The following OSBPL5 variants were observed in gnomAD, a reference collection of about 807,000 sequenced individuals.
The protein encoded by OSBPL5 is oxysterol-binding protein-related protein 5.
Under a neutral mutation model 111.2 loss-of-function variants are expected in OSBPL5, and 71 were observed. The observed-to-expected ratio is 0.64, with a 90% CI of 0.53 to 0.78. OSBPL5 has a LOEUF of 0.78. OSBPL5 is among the 30% of genes least tolerant of loss of function. The pLI is 0.00. For missense variants in OSBPL5, 1,210 were observed against 1,189.3 expected, an observed-to-expected ratio of 1.02 and a Z score of -0.26; for synonymous variants, 549 against 513.9, an observed-to-expected ratio of 1.07 and a Z score of -0.93.
At chr11:3,094,176 G>C in intron 15 of OSBPL5, 61 bp downstream of exon 15, 1 of 1,499,832 alleles carries the variant, frequency 6.7e-7, no homozygotes, top group Non-Finnish European at 9.2e-7. Context: ...AGTGTGAGGG[G>C]GATCCCCAAG....
rs972380354 is a variant in OSBPL5, at chr11:3,141,635, A to G, written c.-21-12466T>C. 1.3e-5 allele frequency among the ~76,000 whole-genome samples: 2 copies of G among 152,158 alleles called. No homozygotes were observed. The highest frequency in any genetic ancestry group is 4.8e-5 in the African/African-American group (2 of 41,424). On this transcript the variant is annotated intron_variant, in intron 1 of 21. Transcript: ENST00000263650. The surrounding 1 kb of genome is among the most constrained non-coding windows in gnomAD (Gnocchi z 6.5). ...GCTGACCTCCAAGGGGAACCCTTCT[A>G]TGAACGGAAAGCTCGCACCTCGCTC...
At chr11:3,117,578 T>C (rs547930928) in intron 7 of OSBPL5, among the ~76,000 whole-genome samples, 14 of 152,326 alleles carry the variant, frequency 9.2e-5, no homozygotes, top group Admixed American at 3.9e-4. Context: ...TTAGTTAAAA[T>C]GGGAAACTGG....
Position 3,101,646 on chromosome 11 carries a change from G to A in OSBPL5, c.1479C>T (p.Gly493=). ...CTGTGATGCTGCCACTGATGCAGAA[G>A]CCGTCCTTCCGGTTGCTGACGTGGA... ...SAFHVSNRKD[G]FCISGSITAK... Residue 493 remains glycine (G), a synonymous_variant, in exon 13 of 22, where the codon GGC becomes GGT. Transcript: ENST00000263650. The A allele has an allele frequency of 6.2e-7, 1 of 1,614,026 alleles. No homozygotes were observed.
intron 3 of OSBPL5, among the ~76,000 whole-genome samples, chr11:3,124,811 AATGGATGG>A (rs71035488): frequency 4.0e-5 from 6 of 150,666 alleles, no homozygotes; most frequent in South Asian, 2.1e-4. Flanking sequence ...TGAATGGATG[AATGGATGG>A]ATGGATGGAT....
rs1014533586 is a variant in OSBPL5, at chr11:3,126,248, A to T, written c.219+225T>A. Among the ~76,000 whole-genome samples the T allele has an allele frequency of 5.3e-5, 8 of 152,236 alleles. No individual in the cohort carries two copies. The highest frequency in any genetic ancestry group is 1.7e-4 in the African/African-American group (7 of 41,462). On this transcript the variant is annotated intron_variant, in intron 3 of 21. Transcript: ENST00000263650. This position sits in a 1 kb window ranked among gnomAD's most constrained non-coding sequence, Gnocchi z 6.5. ...CTGATAGTCAAATACACGTGCACAC[A>T]TGTTCACGGAAGCATTTTTCATGAC...
chr11:3,136,756 A>G (rs1845958864), intron 1 of OSBPL5, among the ~76,000 whole-genome samples: 1 of 152,178 alleles, frequency 6.6e-6, no homozygotes, highest in South Asian at 2.1e-4. Context: ...TTCCTCACCC[A>G]CAGCCCAGAG....
At position 3,141,573 on chromosome 11, in the gene OSBPL5, C is replaced by T. The variant is rs1359751808; in HGVS notation, c.-21-12404G>A. ...GGCATTAATGGGGTCCATTATGGCCCGAGTTGCGCAGAGAGGACAGGGAGG... is the reference window on the plus strand; with the variant it reads ...GGCATTAATGGGGTCCATTATGGCCTGAGTTGCGCAGAGAGGACAGGGAGG... On this transcript the variant is annotated intron_variant, in intron 1 of 21. Transcript: ENST00000263650. This position sits in a 1 kb window ranked among gnomAD's most constrained non-coding sequence, Gnocchi z 6.5. Among the ~76,000 whole-genome samples, 3 of 152,118 alleles carry T rather than the reference C, an allele frequency of 2.0e-5. No individual in the cohort carries two copies. The highest frequency in any genetic ancestry group is 6.5e-5 in the Admixed American group (1 of 15,276).
intron 1 of OSBPL5, among the ~76,000 whole-genome samples, chr11:3,139,774 G>A (rs989228049): frequency 1.9e-4 from 29 of 152,298 alleles, no homozygotes; most frequent in Non-Finnish European, 3.1e-4. Context: ...TGCTTCCCCC[G>A]GCCTCTCTTC....
intron 21 of OSBPL5, 104 bp from the exon 22 acceptor site, chr11:3,088,447 A>T: frequency 7.9e-7 from 1 of 1,273,244 alleles, no homozygotes; most frequent in Non-Finnish European, 1.0e-6. Context: ...TGCTGGACAC[A>T]GGGCCGAGGT....
At chr11:3,150,353 C>G (rs1221376603) in intron 1 of OSBPL5, among the ~76,000 whole-genome samples, 2 of 152,130 alleles carry the variant, frequency 1.3e-5, no homozygotes, top group East Asian at 1.9e-4. Flanking sequence ...TCTGATGCAA[C>G]CACAGGCCTG....
At chr11:3,139,683 A>G (rs1279121767) in intron 1 of OSBPL5, among the ~76,000 whole-genome samples, 4 of 141,252 alleles carry the variant, frequency 2.8e-5, no homozygotes, top group Non-Finnish European at 4.6e-5. Flanking sequence ...AGTCACTTCC[A>G]GAGGGCACAT....
rs1439971217 is a variant in OSBPL5 at position 3,106,787 on chromosome 11, A to T, written c.1059+476T>A. 1.3e-5 allele frequency among the ~76,000 whole-genome samples: 2 copies of T among 151,646 alleles called. No homozygotes were observed. The highest frequency in any genetic ancestry group is 4.8e-5 in the African/African-American group (2 of 41,260). On this transcript the variant is annotated intron_variant, in intron 9 of 21. Coordinates refer to ENST00000263650, the MANE Select transcript of OSBPL5 (RefSeq NM_020896.4). The surrounding 1 kb of genome is among the most constrained non-coding windows in gnomAD (Gnocchi z 8.4). ...CATCTATGTTTCCTGCTGCCCATACACTGGGGGCCCAGAGCCCAGGTCTGT... is the reference window on the plus strand; with the variant it reads ...CATCTATGTTTCCTGCTGCCCATACTCTGGGGGCCCAGAGCCCAGGTCTGT...
In OSBPL5 at chr11:3,092,372, G is replaced by T. The variant is rs1317475084; in HGVS notation, c.2259+60C>A. 1.3e-6 allele frequency: 2 copies of T among 1,505,180 alleles called. No individual in the cohort carries two copies. Among genetic ancestry groups the T allele is most frequent in the African/African-American group, 2.8e-5 (2 of 72,276 alleles). The allele number at this position is 1,505,180 out of a possible 1,614,324, so 93.2% of individuals were successfully genotyped here. A position where few individuals can be genotyped will look rare whatever the true frequency, so the allele number is the denominator to read the frequency against. On this transcript the variant is annotated intron_variant, in intron 19 of 21. Transcript: ENST00000263650. The surrounding 1 kb of genome is among the most constrained non-coding windows in gnomAD (Gnocchi z 5.4). ...GGAGGAGTGAGGTGAGGAGCGAGGG[G>T]TGGTGGTGGCCACACGTGCAGCTAA...
intron 1 of OSBPL5, among the ~76,000 whole-genome samples, chr11:3,143,649 C>T (rs79114999): frequency 0.019 from 2,837 of 152,338 alleles, 39 homozygotes; most frequent in Non-Finnish European, 0.028. Context: ...GTGTCCAGGA[C>T]GGGCAGGTCT....
chr11:3,154,224 G>C lies in OSBPL5; in HGVS notation c.-22+10992C>G, dbSNP rs377217099. Among the ~76,000 whole-genome samples, 14 of 152,370 alleles carry C rather than the reference G, an allele frequency of 9.2e-5. No homozygotes were observed. The South Asian group carries it at 1.2e-3, about 14-fold the overall frequency. ...GACACACTCCAGCCCACAGATCCTG[G>C]CCCAGGATGCTGGGACCTGGAGAGC... On this transcript the variant is annotated intron_variant, in intron 1 of 21. Transcript: ENST00000263650. The surrounding 1 kb of genome is among the most constrained non-coding windows in gnomAD (Gnocchi z 4.9).
intron 1 of OSBPL5, among the ~76,000 whole-genome samples, chr11:3,133,332 A>G (rs115242819): frequency 1.5e-3 from 233 of 152,360 alleles, no homozygotes; most frequent in African/African-American, 5.1e-3. Context: ...TGGGTCGACA[A>G]GGAAACAGAC....
Position 3,107,772 on chromosome 11 carries a change from G to A in OSBPL5, c.865C>T (p.Pro289Ser). 6.2e-7 allele frequency: 1 copy of A among 1,611,758 alleles called. No homozygotes were observed. Residue 289 changes from proline (P) to serine (S), a missense_variant and splice_region_variant, in exon 8 of 22, where the codon CCA becomes TCA. Transcript: ENST00000263650. The surrounding 1 kb of genome is among the most constrained non-coding windows in gnomAD (Gnocchi z 6.1). Reference sequence around the variant, plus strand: ...CCCCTGTGCCCTCGCCCCACTCACGGGAACAGGTCTTGGTCTGGGTGGACG... The same window carrying A: ...CCCCTGTGCCCTCGCCCCACTCACGAGAACAGGTCTTGGTCTGGGTGGACG... Reference protein sequence around the residue: ...ATVHPDQDLFPLNGSSLENDA... With the variant: ...ATVHPDQDLFSLNGSSLENDA...
At chr11:3,093,179 C>A in intron 17 of OSBPL5, 127 bp from the exon 18 acceptor site, 1 of 999,076 alleles carries the variant, frequency 1.0e-6, no homozygotes, top group Non-Finnish European at 1.4e-6. Context: ...CCTACAGTGA[C>A]AGGGAGCTCA....
At chr11:3,144,471 C>T (rs530775692) in intron 1 of OSBPL5, among the ~76,000 whole-genome samples, 13 of 152,330 alleles carry the variant, frequency 8.5e-5, no homozygotes, top group African/African-American at 2.6e-4. Flanking sequence ...ATCATGATCA[C>T]AGCCAGCAGC....
Sources: allele counts gnomAD v4.1 joint callset (sites outside exome capture counted in the v4.1 genomes callset), GRCh38; gene constraint gnomAD v4.1.1; non-coding constraint Gnocchi (gnomAD v3.1); transcripts MANE v1.5; gene names NCBI Gene and HGNC (gene_info 2026-07-23, HGNC 2026-07-21).